The following TNFRSF13B variants were observed in gnomAD, a reference collection of about 807,000 sequenced individuals.
TNFRSF13B encodes the protein TNF receptor superfamily member 13B, also known as tumor necrosis factor receptor superfamily member 13B.
In TNFRSF13B, 34 loss-of-function variants were observed where a neutral mutation model predicts 24.0. The ratio of observed to expected loss-of-function variants is 1.41; its 90% CI spans 1.08 to 1.88. TNFRSF13B has a LOEUF of 1.88. Among genes scored for constraint, TNFRSF13B ranks in the 40% most tolerant of loss-of-function variants. TNFRSF13B has a pLI of 0.00. For missense variants in TNFRSF13B, 415 were observed against 380.8 expected (o/e 1.09, Z -0.75); for synonymous variants, 173 against 150.3 (o/e 1.15, Z -1.10).
chr17:16,941,606 A>G lies in TNFRSF13B; in HGVS notation c.446-1095T>C, dbSNP rs574556385. The G allele has an allele frequency of 1.1e-5, 11 of 983,626 alleles. No individual in the cohort carries two copies. The Admixed American group carries it at 4.9e-4, about 44-fold the overall frequency. The allele number at this position is 983,626 out of a possible 1,614,324, so 60.9% of individuals were successfully genotyped here. A position where few individuals can be genotyped will look rare whatever the true frequency, so the allele number is the denominator to read the frequency against. On this transcript the variant is annotated intron_variant, in intron 3 of 4. Coordinates refer to ENST00000261652, the MANE Select transcript of TNFRSF13B (RefSeq NM_012452.3). ...GCTCTGATGGCAGACAACTACCCCC[A>G]TTAAAAATACTGAGAATTTGTATAC... is the stretch of plus-strand genomic sequence containing the variant.
intron 1 of TNFRSF13B, among the ~76,000 whole-genome samples, chr17:16,953,049 C>T (rs561507395): frequency 2.0e-5 from 3 of 152,224 alleles, no homozygotes; most frequent in South Asian, 2.1e-4. Flanking sequence ...GACTAGGACA[C>T]GGTCCTTCTT....
chr17:16,945,665 GC>G (rs1463836488), intron 3 of TNFRSF13B, among the ~76,000 whole-genome samples: 1 of 152,172 alleles, frequency 6.6e-6, no homozygotes, highest in African/African-American at 2.4e-5. Flanking sequence ...GGCAGGCATG[GC>G]CCCTCGCATC....
At chr17:16,961,329 G>T (rs965014202) in intron 1 of TNFRSF13B, among the ~76,000 whole-genome samples, 1 of 152,162 alleles carries the variant, frequency 6.6e-6, no homozygotes, top group African/African-American at 2.4e-5. Flanking sequence ...ACAGCCAAAG[G>T]TGGAAACAGC....
In TNFRSF13B at chr17:16,948,979, T is replaced by A. The variant is rs758543420; in HGVS notation, c.204A>T (p.Ser68=). The change falls in exon 3 of 5, where the codon TCA becomes TCT. Residue 68 remains serine (S), a synonymous_variant. Transcript: ENST00000261652. ...TGCCTTGCTCCTTGCGGCAGCTGAGTGACCCTGGGAGAGAGAAATTCATGA... is the reference window on the plus strand; with the variant it reads ...TGCCTTGCTCCTTGCGGCAGCTGAGAGACCCTGGGAGAGAGAAATTCATGA... ...SQRTCAAFCR[S]LSCRKEQGKF... 1.2e-6 allele frequency: 2 copies of A among 1,613,696 alleles called. No homozygotes were observed.
At chr17:16,943,616 A>G (rs1201734541) in intron 3 of TNFRSF13B, among the ~76,000 whole-genome samples, 1 of 151,906 alleles carries the variant, frequency 6.6e-6, no homozygotes, top group Non-Finnish European at 1.5e-5. Flanking sequence ...CCCTTCTCCC[A>G]TGGCTGCCCC....
intron 3 of TNFRSF13B, among the ~76,000 whole-genome samples, chr17:16,943,988 A>G (rs879940164): frequency 3.3e-5 from 5 of 151,968 alleles, no homozygotes; most frequent in South Asian, 2.1e-4. Context: ...ATCTCAAGCC[A>G]TTTTCAGTCC....
chr17:16,959,582 A>T (rs2087647680), intron 1 of TNFRSF13B, among the ~76,000 whole-genome samples: 1 of 152,068 alleles, frequency 6.6e-6, no homozygotes, highest in Middle Eastern at 3.2e-3. Context: ...ACAAACCTTT[A>T]GGTAGACTGA....
intron 1 of TNFRSF13B, among the ~76,000 whole-genome samples, chr17:16,966,202 C>T (rs989493723): frequency 4.0e-5 from 6 of 150,678 alleles, no homozygotes; most frequent in African/African-American, 1.5e-4. Context: ...TGCAGTGAGC[C>T]GAGATTGCAC....
In TNFRSF13B at chr17:16,948,785, G is replaced by A. The variant is rs761449168; in HGVS notation, c.398C>T (p.Ser133Leu). The A allele has an allele frequency of 3.2e-5, 51 of 1,614,032 alleles. No individual in the cohort carries two copies. The highest frequency in any genetic ancestry group is 5.0e-5 in the Admixed American group (3 of 60,000). ...SGEVENNSDNSGRYQGLEHRG... is the reference protein window; with the variant it reads ...SGEVENNSDNLGRYQGLEHRG... Reference sequence around the variant, plus strand: ...GTGCTCCAATCCTTGGTACCTTCCCGAGTTGTCTGAATTGTTTTCAACTTC... The same window carrying A: ...GTGCTCCAATCCTTGGTACCTTCCCAAGTTGTCTGAATTGTTTTCAACTTC... Residue 133 changes from serine (S) to leucine (L), a missense_variant, in exon 3 of 5, where the codon TCG becomes TTG. Physicochemically the swap from Ser to Leu is moderately radical, Grantham distance 145 (BLOSUM62 -2). Transcript: ENST00000261652.
At chr17:16,961,216 C>T (rs2087660222) in intron 1 of TNFRSF13B, among the ~76,000 whole-genome samples, 1 of 152,184 alleles carries the variant, frequency 6.6e-6, no homozygotes. Flanking sequence ...CATAAAACTA[C>T]CACAAGACCC....
chr17:16,965,895 A>G (rs1015970198), intron 1 of TNFRSF13B, among the ~76,000 whole-genome samples: 3 of 152,242 alleles, frequency 2.0e-5, no homozygotes, highest in Admixed American at 2.0e-4. Flanking sequence ...CTTTCTAACT[A>G]TGACCCAAAA....
intron 4 of TNFRSF13B, 196 bp downstream of exon 4, chr17:16,940,130 C>G (rs1366855797): frequency 7.1e-7 from 1 of 1,400,698 alleles, no homozygotes; most frequent in Non-Finnish European, 9.5e-7. Flanking sequence ...CCACACCCAC[C>G]CTTCCCGGGT....
chr17:16,950,961 A>C (rs2087584625), intron 2 of TNFRSF13B, among the ~76,000 whole-genome samples: 1 of 152,200 alleles, frequency 6.6e-6, no homozygotes, highest in Non-Finnish European at 1.5e-5. Context: ...GTCTCTCCCA[A>C]CTGTGGCTTT....
chr17:16,954,417 T>A (rs776913300), intron 1 of TNFRSF13B, among the ~76,000 whole-genome samples: 5 of 152,136 alleles, frequency 3.3e-5, no homozygotes, highest in Non-Finnish European at 7.4e-5. Context: ...CAGGGGCCTC[T>A]CATTTAACAC....
At chr17:16,951,939 A>G (rs897307815) in intron 2 of TNFRSF13B, among the ~76,000 whole-genome samples, 1 of 152,178 alleles carries the variant, frequency 6.6e-6, no homozygotes, top group African/African-American at 2.4e-5. Flanking sequence ...AAAATACACA[A>G]GTCAAAAAAA....
intron 3 of TNFRSF13B, among the ~76,000 whole-genome samples, chr17:16,947,068 C>G (rs1461483881): frequency 6.6e-6 from 1 of 152,178 alleles, no homozygotes; most frequent in Non-Finnish European, 1.5e-5. Flanking sequence ...TCTACTGCAA[C>G]TATTCCAAAA....
intron 3 of TNFRSF13B, among the ~76,000 whole-genome samples, chr17:16,948,344 A>T (rs1382502382): frequency 1.3e-5 from 2 of 152,236 alleles, no homozygotes; most frequent in Non-Finnish European, 2.9e-5. Context: ...CTAAAAAAAA[A>T]AGTTGAAATT....
intron 1 of TNFRSF13B, among the ~76,000 whole-genome samples, chr17:16,963,379 G>A (rs1048003898): frequency 1.3e-5 from 2 of 152,148 alleles, no homozygotes; most frequent in Admixed American, 6.5e-5. Flanking sequence ...TTGGTGGGGA[G>A]GTGTCTGTGC....
rs375600776 is a variant in TNFRSF13B at position 16,952,413 on chromosome 17, C to T, written c.199+33G>A. On this transcript the variant is annotated intron_variant, in intron 2 of 4. Coordinates refer to ENST00000261652, the MANE Select transcript of TNFRSF13B (RefSeq NM_012452.3). ...TAGGGAGAAAGGAGGAGGGTGATCA[C>T]ACTGTCCCCTCGGCTCAGGCCCCAG... 11 of 1,613,530 alleles carry T rather than the reference C, an allele frequency of 6.8e-6. No individual in the cohort carries two copies. In the African/African-American group the frequency reaches 1.5e-4, roughly 22 times the overall value.
Sources: allele counts gnomAD v4.1 joint callset (sites outside exome capture counted in the v4.1 genomes callset), GRCh38; gene constraint gnomAD v4.1.1; transcripts MANE v1.5; gene names NCBI Gene and HGNC (gene_info 2026-07-23, HGNC 2026-07-21).